PDE11A: variants seen among roughly 807,000 people sequenced by gnomAD.
The protein encoded by PDE11A is phosphodiesterase 11A.
In PDE11A, 100 loss-of-function variants were observed where a neutral mutation model predicts 100.5. That is an observed-to-expected ratio of 1.00 (90% CI 0.85 to 1.18). The LOEUF is 1.18. Among genes scored for constraint, PDE11A ranks in the 50% most tolerant of loss-of-function variants. PDE11A has a pLI of 0.00. For missense variants in PDE11A, 1,141 were observed against 1,152.6 expected (o/e 0.99, Z 0.15); for synonymous variants, 381 against 420.8 (o/e 0.91, Z 1.16).
chr2:177,633,344 T>C (rs1419207494), intron 19 of PDE11A, among the ~76,000 whole-genome samples: 1 of 152,252 alleles, frequency 6.6e-6, no homozygotes, highest in Non-Finnish European at 1.5e-5. Flanking sequence ...CCAGAGTGTA[T>C]GACTCCAAGC....
intron 9 of PDE11A, among the ~76,000 whole-genome samples, chr2:177,777,314 A>G (rs2082391604): frequency 6.6e-6 from 1 of 152,188 alleles, no homozygotes. Context: ...TCATTAACCT[A>G]AGACCTGTCA....
intron 9 of PDE11A, among the ~76,000 whole-genome samples, chr2:177,815,751 G>A (rs1258026123): frequency 3.3e-5 from 5 of 152,172 alleles, no homozygotes; most frequent in Non-Finnish European, 7.3e-5. Context: ...AGCAGTGCAG[G>A]TAACATCAAT....
At chr2:177,854,685 C>T (rs1038317045) in intron 5 of PDE11A, among the ~76,000 whole-genome samples, 3 of 152,090 alleles carry the variant, frequency 2.0e-5, no homozygotes, top group Non-Finnish European at 4.4e-5. Context: ...CAGAGAATAT[C>T]TGGGTAACTT....
chr2:177,752,207 C>A (rs1012612989), intron 10 of PDE11A, among the ~76,000 whole-genome samples: 3 of 152,210 alleles, frequency 2.0e-5, no homozygotes, highest in African/African-American at 7.2e-5. Flanking sequence ...TACGCATATT[C>A]TCTTCAATGT....
At chr2:177,994,084 C>T (rs1344766627) in intron 2 of PDE11A, among the ~76,000 whole-genome samples, 2 of 151,960 alleles carry the variant, frequency 1.3e-5, no homozygotes, top group African/African-American at 2.4e-5. Context: ...GCACCCACCA[C>T]CACATCTGAC....
rs2087134421 is a variant in PDE11A at position 178,071,751 on chromosome 2, GAC to G, written c.685_686del (p.Val229LeufsTer7). The G allele has an allele frequency of 1.2e-6, 2 of 1,613,928 alleles. No homozygotes were observed. Among genetic ancestry groups the G allele is most frequent in the African/African-American group, 2.7e-5 (2 of 74,942 alleles). On this transcript the variant is annotated frameshift_variant, in exon 1 of 20. Coordinates refer to ENST00000286063, the MANE Select transcript of PDE11A (RefSeq NM_016953.4). LOFTEE classifies it high-confidence loss of function. The stretch of plus-strand genomic sequence containing the variant: ...AGCGGTCAGCATCCACCATAAGGCA[GAC>G]AAAGATGAGAATCTTGTAGCTCAGG... ...TSLSYKILIF[V>X]CLMVDADRCS...
upstream of PDE11A, among the ~76,000 whole-genome samples, chr2:178,075,551 CAAAAAAAAAAAA>C (rs397756518): frequency 2.1e-5 from 1 of 47,838 alleles, no homozygotes; most frequent in Admixed American, 2.3e-4. Flanking sequence ...GACTCTGTCT[CAAAAAAAAAAAA>C]AAAAAAAAAA....
chr2:177,955,198 G>A (rs2085547139), intron 2 of PDE11A, among the ~76,000 whole-genome samples: 1 of 152,164 alleles, frequency 6.6e-6, no homozygotes, highest in South Asian at 2.1e-4. Context: ...CCAATTCCAT[G>A]TTTTAATGAG....
At chr2:178,054,761 T>C (rs1455282345) in intron 1 of PDE11A, among the ~76,000 whole-genome samples, 1 of 152,228 alleles carries the variant, frequency 6.6e-6, no homozygotes, top group Non-Finnish European at 1.5e-5. Flanking sequence ...TCATCATCAC[T>C]GGTCATCAGA....
At chr2:178,018,629 C>T (rs1456941148) in intron 1 of PDE11A, among the ~76,000 whole-genome samples, 1 of 152,220 alleles carries the variant, frequency 6.6e-6, no homozygotes. Flanking sequence ...ACTTTCATCA[C>T]CCAAAGTCCT....
intron 5 of PDE11A, among the ~76,000 whole-genome samples, chr2:177,857,189 T>C (rs2083851220): frequency 6.6e-6 from 1 of 151,948 alleles, no homozygotes; most frequent in Non-Finnish European, 1.5e-5. Flanking sequence ...CCAAGAATTC[T>C]ATATCCACTG....
chr2:177,769,230 C>A lies in PDE11A; in HGVS notation c.1788+93G>T, dbSNP rs1007391855. ...TGCTAGTCCTCCAGCTCCCAATGGGCAGGATTAATTCTCTAGAGGCATGTG... is the reference window on the plus strand; with the variant it reads ...TGCTAGTCCTCCAGCTCCCAATGGGAAGGATTAATTCTCTAGAGGCATGTG... On this transcript the variant is annotated intron_variant, in intron 10 of 19. Transcript: ENST00000286063. The A allele has an allele frequency of 6.2e-6, 5 of 803,686 alleles. No individual in the cohort carries two copies. The Admixed American group carries it at 6.8e-5, about 11-fold the overall frequency. The allele number at this position is 803,686 out of a possible 1,614,324, so 49.8% of individuals were successfully genotyped here. A position where few individuals can be genotyped will look rare whatever the true frequency, so the allele number is the denominator to read the frequency against.
chr2:177,651,263 G>A (rs959583559), intron 19 of PDE11A, among the ~76,000 whole-genome samples: 1 of 152,160 alleles, frequency 6.6e-6, no homozygotes, highest in Non-Finnish European at 1.5e-5. Context: ...GAGGTTGAGA[G>A]ATGATATTAA....
At chr2:177,714,762 T>C (rs1183755481) in intron 12 of PDE11A, among the ~76,000 whole-genome samples, 1 of 152,242 alleles carries the variant, frequency 6.6e-6, no homozygotes, top group African/African-American at 2.4e-5. Context: ...AGGATTTCTG[T>C]GAAACATCTA....
intron 10 of PDE11A, 28 bp from the exon 11 acceptor site, chr2:177,728,200 C>T: frequency 1.2e-6 from 2 of 1,609,596 alleles, no homozygotes; most frequent in Non-Finnish European, 1.7e-6. Context: ...ATAAGTCAAG[C>T]CAAGTTCACC....
intron 9 of PDE11A, among the ~76,000 whole-genome samples, chr2:177,801,083 G>A (rs1176693406): frequency 6.6e-6 from 1 of 152,154 alleles, no homozygotes; most frequent in Non-Finnish European, 1.5e-5. Flanking sequence ...CATTGAAAGT[G>A]GATCAGAAAA....
At chr2:177,762,340 G>A (rs969199596) in intron 10 of PDE11A, among the ~76,000 whole-genome samples, 4 of 152,178 alleles carry the variant, frequency 2.6e-5, no homozygotes, top group African/African-American at 9.7e-5. Context: ...GAGGGACTAC[G>A]TGTTCTTCAT....
chr2:177,632,410 C>G (rs1227509843), intron 19 of PDE11A, among the ~76,000 whole-genome samples: 1 of 152,142 alleles, frequency 6.6e-6, no homozygotes, highest in Non-Finnish European at 1.5e-5. Context: ...CTTATTCATA[C>G]CCATCTCTCC....
chr2:177,983,426 TCAACATCTACTCTAAAAAGTGAGC>T (rs2085906321), intron 2 of PDE11A, among the ~76,000 whole-genome samples: 1 of 152,168 alleles, frequency 6.6e-6, no homozygotes, highest in South Asian at 2.1e-4. Context: ...CACCTTTTAA[TCAACATCTACTCTAAAAAGTGAGC>T]CAGTCCAAGT....
Sources: gnomAD v4.1 joint callset for allele counts (sites outside exome capture counted in the v4.1 genomes callset) on GRCh38, gnomAD v4.1.1 for gene constraint, MANE v1.5 for transcripts, NCBI Gene and HGNC (gene_info 2026-07-23, HGNC 2026-07-21) for gene names.